ZNF573: variants seen among roughly 807,000 people sequenced by gnomAD.
The protein encoded by ZNF573 is zinc finger protein 573.
Under a neutral mutation model 57.4 loss-of-function variants are expected in ZNF573, and 41 were observed. The observed-to-expected ratio is 0.71, with a 90% CI of 0.56 to 0.93. The LOEUF is 0.93. Ranked by LOEUF, ZNF573 falls within the 40% of genes least tolerant of loss-of-function variation. ZNF573 has a pLI of 0.00. For synonymous variants in ZNF573, 249 were observed against 261.0 expected (o/e 0.95, Z 0.44); for missense variants, 730 against 794.8 (o/e 0.92, Z 0.98).
At chr19:37,767,950 G>A (rs1017024750) in intron 4 of ZNF573, among the ~76,000 whole-genome samples, 5 of 152,164 alleles carry the variant, frequency 3.3e-5, no homozygotes, top group African/African-American at 1.2e-4. Flanking sequence ...CAGGAGGAAG[G>A]AGATTGTGAC....
chr19:37,739,057 G>A lies in ZNF573; in HGVS notation c.1433C>T (p.Ala478Val). 1 of 1,613,118 alleles carries A rather than the reference G, an allele frequency of 6.2e-7. No homozygotes were observed. The highest frequency in any genetic ancestry group is 8.5e-7 in the Non-Finnish European group (1 of 1,179,722). ...AATAAGGTTTGAGCCAGTACTATAG[G>A]CCTTCCCACATTCCTGACATTCAAA... ...KLFECQECGK[A>V]YSTGSNLIQH... Residue 478 changes from alanine to valine, a missense_variant, in exon 5 of 5, where the codon GCC becomes GTC. Physicochemically the swap from Ala to Val is moderately conservative, Grantham distance 64. Transcript: ENST00000536220.
intron 4 of ZNF573, among the ~76,000 whole-genome samples, chr19:37,765,931 T>C (rs1445453665): frequency 6.6e-6 from 1 of 151,662 alleles, no homozygotes; most frequent in African/African-American, 2.4e-5. Flanking sequence ...TCCCAGCTAC[T>C]TGGGAGGCTG....
At chr19:37,762,294 G>T (rs527270566) in intron 4 of ZNF573, among the ~76,000 whole-genome samples, 5 of 152,304 alleles carry the variant, frequency 3.3e-5, no homozygotes, top group Admixed American at 2.6e-4. Flanking sequence ...GAGTAAGTAT[G>T]ACAGATGTTC....
chr19:37,774,239 G>A (rs1326535285), intron 1 of ZNF573, among the ~76,000 whole-genome samples: 1 of 144,474 alleles, frequency 6.9e-6, no homozygotes, highest in Non-Finnish European at 1.5e-5. Context: ...CCAGGTTCAA[G>A]CGATTCTCCT....
intron 4 of ZNF573, among the ~76,000 whole-genome samples, chr19:37,756,679 C>T (rs1163132984): frequency 6.6e-6 from 1 of 151,984 alleles, no homozygotes; most frequent in Non-Finnish European, 1.5e-5. Flanking sequence ...TTTAATTTGG[C>T]CTCTGTTGGC....
intron 1 of ZNF573, among the ~76,000 whole-genome samples, chr19:37,777,969 G>T (rs1316463651): frequency 6.9e-6 from 1 of 144,304 alleles, no homozygotes; most frequent in Admixed American, 7.2e-5. Context: ...GCTTGCAAGT[G>T]AGCCGAGATC....
At chr19:37,750,373 T>G (rs1187979656) in intron 4 of ZNF573, among the ~76,000 whole-genome samples, 2 of 152,120 alleles carry the variant, frequency 1.3e-5, no homozygotes, top group Non-Finnish European at 2.9e-5. Flanking sequence ...CATGAGCCAC[T>G]GCGCCCAGCC....
Position 37,740,688 on chromosome 19 carries a change from A to G in ZNF573, c.296-494T>C, listed in dbSNP as rs138501088. 90 of 438,232 alleles carry G rather than the reference A, an allele frequency of 2.1e-4. No homozygotes were observed. The East Asian group carries it at 6.1e-3, about 29-fold the overall frequency. The allele number at this position is 438,232 out of a possible 1,614,324, so 27.1% of individuals were successfully genotyped here. ...ATCAGCTCTTTGCTTCCTATTCTCT[A>G]TCATAGTCCCTCTTTTCAACACCTG... is the stretch of plus-strand genomic sequence containing the variant. On this transcript the variant is annotated intron_variant, in intron 4 of 4. Coordinates refer to ENST00000536220, the MANE Select transcript of ZNF573 (RefSeq NM_001172690.2).
At chr19:37,748,094 A>T (rs2045398833) in intron 4 of ZNF573, among the ~76,000 whole-genome samples, 1 of 152,232 alleles carries the variant, frequency 6.6e-6, no homozygotes, top group Non-Finnish European at 1.5e-5. Context: ...CAAAGTCATG[A>T]AAAACAAAGA....
At chr19:37,765,172 C>T (rs946742416) in intron 4 of ZNF573, among the ~76,000 whole-genome samples, 2 of 151,798 alleles carry the variant, frequency 1.3e-5, no homozygotes, top group Non-Finnish European at 2.9e-5. Context: ...GGATTACAGG[C>T]GTGAGCCACC....
At chr19:37,748,065 C>A (rs566550633) in intron 4 of ZNF573, among the ~76,000 whole-genome samples, 23 of 152,290 alleles carry the variant, frequency 1.5e-4, no homozygotes, top group South Asian at 6.2e-4. Flanking sequence ...ACACTACTGG[C>A]ATGGTCTGTC....
At chr19:37,762,798 G>A (rs2045564751) in intron 4 of ZNF573, among the ~76,000 whole-genome samples, 1 of 148,936 alleles carries the variant, frequency 6.7e-6, no homozygotes. Context: ...TTGAGAAGGA[G>A]TCTCATTCTG....
In ZNF573 at chr19:37,771,547, G is replaced by A. The variant is rs776751160; in HGVS notation, c.202+17C>T. 84 of 1,607,700 alleles carry A rather than the reference G, an allele frequency of 5.2e-5. No individual in the cohort carries two copies. The highest frequency in any genetic ancestry group is 6.4e-5 in the Non-Finnish European group (75 of 1,177,256). On this transcript the variant is annotated intron_variant, in intron 3 of 4. Coordinates refer to ENST00000536220, the MANE Select transcript of ZNF573 (RefSeq NM_001172690.2). The stretch of plus-strand genomic sequence containing the variant: ...TCACAGATCACATTTTAAATTACTT[G>A]AGGCAAATAAACTTACCCAGTGATA...
chr19:37,774,637 T>A (rs1568425331), intron 1 of ZNF573, among the ~76,000 whole-genome samples: 1 of 152,172 alleles, frequency 6.6e-6, no homozygotes, highest in Non-Finnish European at 1.5e-5. Flanking sequence ...TAATAAAATT[T>A]AAAAATTTCA....
chr19:37,746,528 A>G (rs1299062677), intron 4 of ZNF573, among the ~76,000 whole-genome samples: 1 of 152,152 alleles, frequency 6.6e-6, no homozygotes, highest in African/African-American at 2.4e-5. Flanking sequence ...CAAAAAGACA[A>G]TTATTAATAT....
chr19:37,779,332 G>T (rs1291998011), intron 1 of ZNF573, among the ~76,000 whole-genome samples: 1 of 152,120 alleles, frequency 6.6e-6, no homozygotes, highest in African/African-American at 2.4e-5. Context: ...ATTCTCTCAC[G>T]TGCGCACTCA....
At chr19:37,758,199 T>TAA (rs1224494420) in intron 4 of ZNF573, among the ~76,000 whole-genome samples, 2 of 11,880 alleles carry the variant, frequency 1.7e-4, no homozygotes, top group Non-Finnish European at 5.4e-4. Flanking sequence ...TAAAGTATAA[T>TAA]AAAATATATA....
At chr19:37,743,887 A>G (rs2045351717) in intron 4 of ZNF573, among the ~76,000 whole-genome samples, 1 of 152,184 alleles carries the variant, frequency 6.6e-6, no homozygotes, top group South Asian at 2.1e-4. Flanking sequence ...CTAACACAGG[A>G]ACAGAAAACC....
intron 4 of ZNF573, among the ~76,000 whole-genome samples, chr19:37,745,216 A>C (rs1317558572): frequency 6.6e-6 from 1 of 152,110 alleles, no homozygotes; most frequent in Non-Finnish European, 1.5e-5. Flanking sequence ...CTGGGGCCAC[A>C]GGCACCCACC....
Sources: gnomAD v4.1 joint callset for allele counts (sites outside exome capture counted in the v4.1 genomes callset) on GRCh38, gnomAD v4.1.1 for gene constraint, MANE v1.5 for transcripts, NCBI Gene and HGNC (gene_info 2026-07-23, HGNC 2026-07-21) for gene names.